NTMT1: variants seen among roughly 807,000 people sequenced by gnomAD.
The protein encoded by NTMT1 is N-terminal Xaa-Pro-Lys N-methyltransferase 1, also known as N-terminal RCC1 methyltransferase.
Under a neutral mutation model 17.5 loss-of-function variants are expected in NTMT1, and 8 were observed. The observed-to-expected ratio is 0.46, with a 90% CI of 0.27 to 0.82. The LOEUF (loss-of-function observed/expected upper bound fraction) is 0.82, where lower values mean the gene tolerates loss of function less well. Ranked by LOEUF, NTMT1 falls within the 40% of genes least tolerant of loss-of-function variation. The pLI is 0.15. For synonymous variants in NTMT1, 128 were observed against 126.8 expected (o/e 1.01, Z -0.06); for missense variants, 221 against 303.5 (o/e 0.73, Z 2.02).
chr9:129,635,529 G>A lies in NTMT1; in HGVS notation c.*65G>A, dbSNP rs939123509. 36 of 1,550,496 alleles carry A rather than the reference G, an allele frequency of 2.3e-5. No individual in the cohort carries two copies. The highest frequency in any genetic ancestry group is 6.8e-5 in the African/African-American group (5 of 73,528). On this transcript the variant is annotated 3_prime_UTR_variant, in exon 4 of 4. Coordinates refer to ENST00000372483, the MANE Select transcript of NTMT1 (RefSeq NM_014064.4). ...GTGGGGGGAGCTGGCAGCTGGGCAA[G>A]ATCCAGGCGCCACGCTGGCGGTTCG...
At chr9:129,611,564 G>A (rs752182679) in intron 1 of NTMT1, among the ~76,000 whole-genome samples, 7 of 152,132 alleles carry the variant, frequency 4.6e-5, no homozygotes, top group Non-Finnish European at 7.4e-5. Context: ...CTCTTCCCTC[G>A]GCTGGAGTCT....
In NTMT1 at chr9:129,620,241, G is replaced by A; in HGVS notation, c.-55+11063G>A. The A allele has an allele frequency of 2.2e-6, 3 of 1,341,758 alleles. No individual in the cohort carries two copies. The highest frequency in any genetic ancestry group is 4.0e-5 in the South Asian group (2 of 50,194). The allele number at this position is 1,341,758 out of a possible 1,614,324, so 83.1% of individuals were successfully genotyped here. On this transcript the variant is annotated intron_variant, in intron 1 of 3. Transcript: ENST00000372486. This position sits in a 1 kb window ranked among gnomAD's most constrained non-coding sequence, Gnocchi z 5.8. ...CCTGGCTGCCTGGGCGCCGATTCCC[G>A]GGACGCGCCGGCCGACAGCAGGGGA...
At position 129,634,248 on chromosome 9, in the gene NTMT1, C is replaced by G. The variant is rs756900953; in HGVS notation, c.357C>G (p.Leu119=). 15 of 1,613,910 alleles carry G rather than the reference C, an allele frequency of 9.3e-6. No individual in the cohort carries two copies. The highest frequency in any genetic ancestry group is 5.0e-5 in the Admixed American group (3 of 60,014). ...TGAGGAACTACTTCTGTTGTGGGCT[C>G]CAGGACTTCACCCCGGAGCCGGACT... The part of the protein sequence containing the change: ...KRVRNYFCCG[L]QDFTPEPDSY... The change falls in exon 3 of 4, where the codon CTC becomes CTG. Residue 119 remains leucine (L), a synonymous_variant. Coordinates refer to ENST00000372483, the MANE Select transcript of NTMT1 (RefSeq NM_014064.4).
intron 1 of NTMT1, chr9:129,615,649 TGAGA>T (rs1389415250): frequency 6.4e-7 from 1 of 1,551,000 alleles, no homozygotes; most frequent in East Asian, 2.3e-5. Flanking sequence ...TGGGGCCTGC[TGAGA>T]GAGGGGAGAG....
At chr9:129,634,994 A>G in intron 3 of NTMT1, 3 of 589,420 alleles carry the variant, frequency 5.1e-6, no homozygotes, top group East Asian at 2.9e-5. Context: ...TTCTGGCTTA[A>G]TGTGTCTTTA....
chr9:129,619,525 G>C (rs1210540384), intron 1 of NTMT1: 1 of 1,611,446 alleles, frequency 6.2e-7, no homozygotes, highest in Non-Finnish European at 8.5e-7. Flanking sequence ...CTCACTGGTT[G>C]GCCTTTCTGA....
In NTMT1 at chr9:129,634,085, C is replaced by T; in HGVS notation, c.194C>T (p.Ala65Val). Residue 65 changes from alanine to valine, a missense_variant, in exon 3 of 4, where the codon GCC becomes GTC. Physicochemically the swap from Ala to Val is moderately conservative, Grantham distance 64. Transcript: ENST00000372483. ...EGPNKTGTSC[A>V]LDCGAGIGRI... Reference sequence around the variant, plus strand: ...CCGAACAAGACAGGAACGTCCTGTGCCCTGGACTGTGGAGCTGGCATTGGG... The same window carrying T: ...CCGAACAAGACAGGAACGTCCTGTGTCCTGGACTGTGGAGCTGGCATTGGG... The T allele has an allele frequency of 6.2e-7, 1 of 1,614,152 alleles. No individual in the cohort carries two copies. The highest frequency in any genetic ancestry group is 8.5e-7 in the Non-Finnish European group (1 of 1,180,020).
In NTMT1 at chr9:129,620,412, G is replaced by A; in HGVS notation, c.-55+11234G>A. ...GGCCACCACGCGGCGCCGCCCCCCG[G>A]GATCCTCCAGTCCCCGGAGCCCCGC... On this transcript the variant is annotated intron_variant, in intron 1 of 3. Coordinates refer to the NTMT1 transcript ENST00000372486. The surrounding 1 kb of genome is among the most constrained non-coding windows in gnomAD (Gnocchi z 5.8). 1.6e-6 allele frequency: 2 copies of A among 1,241,752 alleles called. No homozygotes were observed. The highest frequency in any genetic ancestry group is 1.0e-6 in the Non-Finnish European group (1 of 993,354). The allele number at this position is 1,241,752 out of a possible 1,614,324, so 76.9% of individuals were successfully genotyped here.
chr9:129,622,318 C>A (rs1383574792), upstream of NTMT1, among the ~76,000 whole-genome samples: 1 of 151,924 alleles, frequency 6.6e-6, no homozygotes, highest in Non-Finnish European at 1.5e-5. Flanking sequence ...CATGGTGAAA[C>A]CTCGTCTCTA....
chr9:129,635,358 T>C lies in NTMT1; in HGVS notation c.566T>C (p.Val189Ala). The C allele has an allele frequency of 6.2e-7, 1 of 1,613,792 alleles. No homozygotes were observed. The highest frequency in any genetic ancestry group is 1.3e-5 in the African/African-American group (1 of 75,042). ...AGCAGCGTGTGCCGGGACCTTGACG[T>C]GGTCCGCAGGATCATCTGCAGTGCA... Reference protein sequence around the residue: ...VDSSVCRDLDVVRRIICSAGL... With the variant: ...VDSSVCRDLDAVRRIICSAGL... The change falls in exon 4 of 4, where the codon GTG becomes GCG. Residue 189 changes from valine to alanine, a missense_variant. Val to Ala is a moderately conservative substitution (Grantham distance 64). Coordinates refer to ENST00000372483, the MANE Select transcript of NTMT1 (RefSeq NM_014064.4).
rs1830629736 is a variant in NTMT1, at chr9:129,620,375, G to A, written c.-55+11197G>A. The A allele has an allele frequency of 3.3e-6, 4 of 1,228,448 alleles. No homozygotes were observed. The highest frequency in any genetic ancestry group is 4.1e-6 in the Non-Finnish European group (4 of 986,444). The allele number at this position is 1,228,448 out of a possible 1,614,324, so 76.1% of individuals were successfully genotyped here. ...GCGTCCGACGCCCACCCCGGGCTTG[G>A]CGTCCCCTTCCGGCCACCACGCGGC... On this transcript the variant is annotated intron_variant, in intron 1 of 3. Transcript: ENST00000372486. The surrounding 1 kb of genome is among the most constrained non-coding windows in gnomAD (Gnocchi z 5.8).
chr9:129,635,775 T>G lies in NTMT1; in HGVS notation c.*311T>G. 8.0e-5 allele frequency: 21 copies of G among 263,586 alleles called. No individual in the cohort carries two copies. The highest frequency in any genetic ancestry group is 2.1e-4 in the Admixed American group (4 of 19,460). The allele number at this position is 263,586 out of a possible 1,614,324, so 16.3% of individuals were successfully genotyped here. A position where few individuals can be genotyped will look rare whatever the true frequency, so the allele number is the denominator to read the frequency against. ...ATAGGGTGGCCACATCAGTAACCGA[T>G]TCCCTGGGCCTCCAGCCCGGCCTTC... On this transcript the variant is annotated 3_prime_UTR_variant, in exon 4 of 4. Coordinates refer to ENST00000372483, the MANE Select transcript of NTMT1 (RefSeq NM_014064.4).
chr9:129,632,082 C>T (rs927521858), intron 1 of NTMT1, among the ~76,000 whole-genome samples: 1 of 152,152 alleles, frequency 6.6e-6, no homozygotes, highest in Admixed American at 6.5e-5. Context: ...GCTTTGCGGT[C>T]GTTTCTCTTT....
chr9:129,635,180 C>G (rs759624504), intron 3 of NTMT1, 28 bp from the exon 4 acceptor site: 3 of 1,594,624 alleles, frequency 1.9e-6, no homozygotes, highest in Non-Finnish European at 2.6e-6. Flanking sequence ...GCATGGTGCC[C>G]TGGTAACCTT....
At chr9:129,615,564 T>G in intron 1 of NTMT1, 1 of 1,610,000 alleles carries the variant, frequency 6.2e-7, no homozygotes, top group Non-Finnish European at 8.5e-7. Context: ...AGGGCAACGC[T>G]GCCTGCAGGG....
chr9:129,613,654 C>T lies in NTMT1; in HGVS notation c.-55+4476C>T, dbSNP rs1830199844. ...CCCAGGAGGAGGGCACTGGTGCCCC[C>T]ACCCTCTTTTCCTCCCTCTGGCAGG... On this transcript the variant is annotated intron_variant, in intron 1 of 3. Coordinates refer to the NTMT1 transcript ENST00000372486. This position sits in a 1 kb window ranked among gnomAD's most constrained non-coding sequence, Gnocchi z 6.2. The T allele has an allele frequency of 1.5e-5, 24 of 1,602,988 alleles. No individual in the cohort carries two copies. The highest frequency in any genetic ancestry group is 2.0e-5 in the Non-Finnish European group (24 of 1,173,276).
At chr9:129,619,917 C>T (rs1161150383) in intron 1 of NTMT1, 1 of 1,524,842 alleles carries the variant, frequency 6.6e-7, no homozygotes, top group East Asian at 2.3e-5. Context: ...CAGACCAGCC[C>T]TCAAGGACGG....
At chr9:129,634,953 C>T in intron 3 of NTMT1, 1 of 510,910 alleles carries the variant, frequency 2.0e-6, no homozygotes, top group Non-Finnish European at 3.5e-6. Context: ...AGGTATCAGG[C>T]AGGACTTGTA....
intron 1 of NTMT1, among the ~76,000 whole-genome samples, chr9:129,627,430 A>T (rs760545086): frequency 4.6e-5 from 7 of 152,202 alleles, no homozygotes; most frequent in Non-Finnish European, 8.8e-5. Flanking sequence ...GTTGACAAGA[A>T]TCTCATTTGA....
Sources: gnomAD v4.1 joint callset for allele counts (sites outside exome capture counted in the v4.1 genomes callset) on GRCh38, gnomAD v4.1.1 for gene constraint, Gnocchi (gnomAD v3.1) non-coding constraint, MANE v1.5 for transcripts, NCBI Gene and HGNC (gene_info 2026-07-23, HGNC 2026-07-21) for gene names.